SWT1: variants seen among roughly 807,000 people sequenced by gnomAD.
The protein encoded by SWT1 is transcriptional protein SWT1.
A neutral mutation model predicts 107.3 loss-of-function variants in SWT1; 33 were observed. The observed-to-expected ratio is 0.31, with a 90% confidence interval of 0.23 to 0.41. The LOEUF is 0.41. Ranked by LOEUF, SWT1 falls within the 10% of genes least tolerant of loss-of-function variation. The probability of loss-of-function intolerance (pLI) is 1.00; values close to 1 mark genes in which losing one functional copy is unlikely to be tolerated. For missense variants in SWT1, 898 were observed against 1,028.9 expected (o/e 0.87, Z 1.74); for synonymous variants, 345 against 348.3 (o/e 0.99, Z 0.11).
intron 16 of SWT1, among the ~76,000 whole-genome samples, chr1:185,265,096 C>G (rs377317609): frequency 1.1e-3 from 174 of 152,162 alleles, no homozygotes; most frequent in African/African-American, 4.0e-3. Context: ...AATTTTAATT[C>G]TGAACTTTGT....
At chr1:185,206,146 A>G (rs539491176) in intron 12 of SWT1, among the ~76,000 whole-genome samples, 1 of 152,212 alleles carries the variant, frequency 6.6e-6, no homozygotes, top group African/African-American at 2.4e-5. Context: ...TTTAGTAGCT[A>G]TGGGGTTTCA....
At chr1:185,239,074 T>C (rs1423629059) in intron 16 of SWT1, among the ~76,000 whole-genome samples, 1 of 152,128 alleles carries the variant, frequency 6.6e-6, no homozygotes, top group Non-Finnish European at 1.5e-5. Flanking sequence ...TATATAGTGT[T>C]ATATTGGGGC....
intron 18 of SWT1, among the ~76,000 whole-genome samples, chr1:185,277,708 A>G (rs1196073390): frequency 6.6e-6 from 1 of 152,222 alleles, no homozygotes; most frequent in Non-Finnish European, 1.5e-5. Context: ...GATATAAAAA[A>G]TACCCATCTG....
intron 18 of SWT1, 42 bp downstream of exon 18, chr1:185,276,710 C>T (rs1237995625): frequency 8.8e-7 from 1 of 1,136,004 alleles, no homozygotes; most frequent in African/African-American, 1.6e-5. Context: ...TTGTAACAAG[C>T]TTTTCCATAT....
intron 16 of SWT1, among the ~76,000 whole-genome samples, chr1:185,255,563 T>C: frequency 7.8e-6 from 1 of 127,522 alleles, no homozygotes. Context: ...TTGATCTTTG[T>C]TGGTTTAAAG....
At chr1:185,208,785 G>T (rs946438915) in intron 13 of SWT1, among the ~76,000 whole-genome samples, 5 of 150,466 alleles carry the variant, frequency 3.3e-5, no homozygotes, top group African/African-American at 1.2e-4. Flanking sequence ...ATTTACTCAG[G>T]AGTAAGGAAA....
At chr1:185,184,102 G>A in intron 7 of SWT1, 141 bp from the exon 8 acceptor site, 3 of 546,174 alleles carry the variant, frequency 5.5e-6, no homozygotes, top group Non-Finnish European at 9.8e-6. Context: ...CTAGCCAACT[G>A]TGTAAATCTC....
intron 10 of SWT1, among the ~76,000 whole-genome samples, chr1:185,191,146 C>T (rs144471641): frequency 6.2e-4 from 95 of 152,172 alleles, no homozygotes; most frequent in African/African-American, 2.0e-3. Context: ...TATCACCTGC[C>T]TCATGAGATT....
At chr1:185,213,656 G>A (rs1658998317) in intron 13 of SWT1, among the ~76,000 whole-genome samples, 2 of 152,160 alleles carry the variant, frequency 1.3e-5, no homozygotes, top group South Asian at 2.1e-4. Context: ...AAAACAAAAA[G>A]TAAACAACAG....
chr1:185,205,942 G>A (rs183641006), intron 12 of SWT1, among the ~76,000 whole-genome samples: 1 of 152,232 alleles, frequency 6.6e-6, no homozygotes, highest in East Asian at 1.9e-4. Flanking sequence ...TTGCAAGAGT[G>A]TAACAAGTGA....
At chr1:185,192,835 A>G (rs753279691) in intron 10 of SWT1, among the ~76,000 whole-genome samples, 6 of 151,824 alleles carry the variant, frequency 4.0e-5, no homozygotes, top group Non-Finnish European at 8.8e-5. Context: ...TTTAGTAGAG[A>G]TGGGGTTTCG....
chr1:185,282,618 TA>T (rs1664706086), intron 18 of SWT1, among the ~76,000 whole-genome samples: 2 of 152,176 alleles, frequency 1.3e-5, no homozygotes, highest in African/African-American at 2.4e-5. Context: ...CCTCCTGATT[TA>T]TAAGCCAGTT....
Position 185,214,609 on chromosome 1 carries a change from C to T in SWT1, c.2075C>T (p.Pro692Leu). 2 of 1,611,756 alleles carry T rather than the reference C, an allele frequency of 1.2e-6. No homozygotes were observed. Among genetic ancestry groups the T allele is most frequent in the African/African-American group, 1.3e-5 (1 of 74,914 alleles). Residue 692 changes from proline (P) to leucine (L), a missense_variant, in exon 14 of 19, where the codon CCA (proline) becomes CTA (leucine). Coordinates refer to ENST00000367500, the MANE Select transcript of SWT1 (RefSeq NM_017673.7). ...STRSNYDGIL[P>L]QTFAQVNNLL... ...AGGTCAAATTATGATGGTATTCTTC[C>T]ACAGACCTTTGCTCAAGTAAACAAC...
At chr1:185,234,591 G>A (rs891160659) in intron 16 of SWT1, among the ~76,000 whole-genome samples, 2 of 151,986 alleles carry the variant, frequency 1.3e-5, no homozygotes, top group African/African-American at 4.8e-5. Context: ...CTTTTAATTG[G>A]GTCATTTAGC....
At chr1:185,257,561 C>T (rs1019102762) in intron 16 of SWT1, among the ~76,000 whole-genome samples, 1 of 152,212 alleles carries the variant, frequency 6.6e-6, no homozygotes, top group South Asian at 2.1e-4. Flanking sequence ...CGTCTGTCAC[C>T]CCTTTCTTTG....
At chr1:185,256,927 C>G (rs1662585103) in intron 16 of SWT1, among the ~76,000 whole-genome samples, 1 of 152,076 alleles carries the variant, frequency 6.6e-6, no homozygotes, top group Non-Finnish European at 1.5e-5. Context: ...TACTTTTGGT[C>G]TTTGATGATG....
intron 16 of SWT1, among the ~76,000 whole-genome samples, chr1:185,270,023 C>T (rs1002748829): frequency 6.6e-6 from 1 of 152,202 alleles, no homozygotes; most frequent in Non-Finnish European, 1.5e-5. Flanking sequence ...TTGTTACTGT[C>T]ACTGTTATAA....
At chr1:185,280,994 A>T (rs1024569220) in intron 18 of SWT1, 4 of 390,126 alleles carry the variant, frequency 1.0e-5, no homozygotes, top group Non-Finnish European at 2.1e-5. Flanking sequence ...TGATATGTCC[A>T]AGAGTTTTCA....
chr1:185,267,493 TGTGA>T (rs1283989279), intron 16 of SWT1, among the ~76,000 whole-genome samples: 2 of 152,226 alleles, frequency 1.3e-5, no homozygotes, highest in African/African-American at 4.8e-5. Flanking sequence ...CACATCCAGC[TGTGA>T]GCTGCAGATT....
Sources: gnomAD v4.1 joint callset for allele counts (sites outside exome capture counted in the v4.1 genomes callset) on GRCh38, gnomAD v4.1.1 for gene constraint, MANE v1.5 for transcripts, NCBI Gene and HGNC (gene_info 2026-07-23, HGNC 2026-07-21) for gene names.